LINGO2: variants seen among roughly 807,000 people sequenced by gnomAD.
LINGO2 encodes the protein leucine rich repeat and Ig domain containing 2, also known as leucine-rich repeat and immunoglobulin-like domain-containing nogo receptor-interacting protein 2.
LINGO2 carries 14 observed loss-of-function variants against 30.6 expected under a neutral mutation model. The ratio of observed to expected loss-of-function variants is 0.46; its 90% CI spans 0.30 to 0.72. LINGO2 has a LOEUF of 0.72. LINGO2 is among the 30% of genes least tolerant of loss of function. LINGO2 has a pLI of 0.07. For synonymous variants in LINGO2, 317 were observed against 288.5 expected (o/e 1.10, Z -1.00); for missense variants, 729 against 751.7 (o/e 0.97, Z 0.35).
At chr9:28,310,620 G>A (rs879688224) in intron 3 of LINGO2, among the ~76,000 whole-genome samples, 2 of 152,150 alleles carry the variant, frequency 1.3e-5, no homozygotes, top group Non-Finnish European at 2.9e-5. Context: ...ACTTGTGAGG[G>A]TGATGGATAC....
the LINGO2 span, among the ~76,000 whole-genome samples, chr9:28,986,907 G>T: frequency 1.3e-5 from 2 of 151,816 alleles, no homozygotes; most frequent in Non-Finnish European, 2.9e-5. Context: ...ATTGCAAGTT[G>T]GAGAACATCT....
chr9:28,555,832 G>C (rs986855076), intron 1 of LINGO2, among the ~76,000 whole-genome samples: 5 of 151,168 alleles, frequency 3.3e-5, no homozygotes, highest in Non-Finnish European at 5.9e-5. Context: ...GGGATGCAAG[G>C]CTGGTTCAAT....
chr9:28,640,518 T>C (rs1399674394), intron 1 of LINGO2, among the ~76,000 whole-genome samples: 3 of 151,248 alleles, frequency 2.0e-5, no homozygotes, highest in African/African-American at 7.3e-5. Context: ...CCTTGTTCTT[T>C]TTTTTTTTTT....
In LINGO2 at chr9:28,468,920, G is replaced by A. The variant is rs76849291; in HGVS notation, c.-279+7020C>T. 9.5e-3 allele frequency among the ~76,000 whole-genome samples: 1,443 copies of A among 151,876 alleles called. 23 individuals carry two copies. The highest frequency in any genetic ancestry group is 0.033 in the African/African-American group (1,359 of 41,386). ...AGCATTCAAAGAGATAGGGTAATAC[G>A]GTCCATCAAAAGGAACAAAGTTAAC... On this transcript the variant is annotated intron_variant, in intron 2 of 5. Coordinates refer to ENST00000379992, the Ensembl canonical transcript of LINGO2.
intron 1 of LINGO2, among the ~76,000 whole-genome samples, chr9:28,575,325 G>C (rs559307198): frequency 6.6e-6 from 1 of 151,716 alleles, no homozygotes; most frequent in African/African-American, 2.4e-5. Context: ...CTTGAACCTC[G>C]GCGGCAGAGG....
At chr9:28,428,701 TG>T (rs1823519727) in intron 2 of LINGO2, among the ~76,000 whole-genome samples, 1 of 152,148 alleles carries the variant, frequency 6.6e-6, no homozygotes, top group African/African-American at 2.4e-5. Context: ...ACGTAGTTGC[TG>T]CTGGTTATAT....
chr9:29,133,030 A>C, the LINGO2 span, among the ~76,000 whole-genome samples: 1 of 151,964 alleles, frequency 6.6e-6, no homozygotes, highest in East Asian at 1.9e-4. Flanking sequence ...GTAAGTATTT[A>C]TTATTTAACA....
chr9:28,925,453 C>T, the LINGO2 span, among the ~76,000 whole-genome samples: 1 of 152,182 alleles, frequency 6.6e-6, no homozygotes, highest in African/African-American at 2.4e-5. Flanking sequence ...AAACTCAACA[C>T]TGGGGCGTGG....
intron 1 of LINGO2, among the ~76,000 whole-genome samples, chr9:28,631,640 A>G (rs1471981666): frequency 6.6e-6 from 1 of 152,024 alleles, no homozygotes; most frequent in Non-Finnish European, 1.5e-5. Flanking sequence ...AGGAAGAGAG[A>G]ACGTTAATAT....
the LINGO2 span, among the ~76,000 whole-genome samples, chr9:28,994,092 A>G: frequency 1.3e-5 from 2 of 152,052 alleles, no homozygotes; most frequent in East Asian, 1.9e-4. Flanking sequence ...CTGTTTGCAG[A>G]TGACATGATT....
the LINGO2 span, among the ~76,000 whole-genome samples, chr9:29,102,695 C>T: frequency 1.3e-5 from 2 of 152,078 alleles, no homozygotes; most frequent in African/African-American, 4.8e-5. Flanking sequence ...ACTGCAACAT[C>T]ACTTTATAGT....
intron 1 of LINGO2, among the ~76,000 whole-genome samples, chr9:28,650,991 C>T (rs1588026370): frequency 6.6e-6 from 1 of 151,960 alleles, no homozygotes; most frequent in Non-Finnish European, 1.5e-5. Context: ...GAGATCGAGA[C>T]CATCCTGGCT....
the LINGO2 span, among the ~76,000 whole-genome samples, chr9:29,196,759 T>C: frequency 2.0e-5 from 3 of 152,090 alleles, no homozygotes; most frequent in Admixed American, 1.3e-4. Context: ...GAGTAGTATA[T>C]GAAAAATTTT....
the LINGO2 span, among the ~76,000 whole-genome samples, chr9:28,939,536 A>G: frequency 6.6e-6 from 1 of 152,138 alleles, no homozygotes; most frequent in Non-Finnish European, 1.5e-5. Flanking sequence ...CTAGACCCAG[A>G]TTAAATGGCA....
chr9:29,101,259 C>G, the LINGO2 span, among the ~76,000 whole-genome samples: 1 of 152,012 alleles, frequency 6.6e-6, no homozygotes, highest in East Asian at 1.9e-4. Context: ...CTAGGTCTGA[C>G]AGTAAAAAGT....
At chr9:28,039,560 C>G (rs1020720620) in intron 4 of LINGO2, among the ~76,000 whole-genome samples, 20 of 152,028 alleles carry the variant, frequency 1.3e-4, no homozygotes, top group African/African-American at 4.6e-4. Context: ...AGTGCTATCT[C>G]TTATAATTCC....
chr9:28,974,763 T>A, the LINGO2 span, among the ~76,000 whole-genome samples: 2 of 152,102 alleles, frequency 1.3e-5, no homozygotes, highest in African/African-American at 2.4e-5. Context: ...CCTGGTACTG[T>A]ATTTGTATTA....
chr9:28,895,230 A>G, the LINGO2 span, among the ~76,000 whole-genome samples: 1 of 152,178 alleles, frequency 6.6e-6, no homozygotes, highest in East Asian at 1.9e-4. Context: ...TTTAATAGAC[A>G]TTATTGCACA....
chr9:28,814,063 TTAA>T, the LINGO2 span, among the ~76,000 whole-genome samples: 1 of 152,306 alleles, frequency 6.6e-6, no homozygotes, highest in East Asian at 1.9e-4. Context: ...ATAATTCAGC[TTAA>T]AAGCACTCTT....
Sources: allele counts gnomAD v4.1 joint callset (sites outside exome capture counted in the v4.1 genomes callset), GRCh38; gene constraint gnomAD v4.1.1; transcripts MANE v1.5; gene names NCBI Gene and HGNC (gene_info 2026-07-23, HGNC 2026-07-21).